The following PTPRO variants were observed in gnomAD, a reference collection of about 807,000 sequenced individuals.
PTPRO encodes the protein receptor-type tyrosine-protein phosphatase O.
A neutral mutation model predicts 145.2 loss-of-function variants in PTPRO; 62 were observed. The observed-to-expected ratio is 0.43, with a 90% CI of 0.35 to 0.53. PTPRO has a LOEUF of 0.53. Ranked by LOEUF, PTPRO falls within the 20% of genes least tolerant of loss-of-function variation. PTPRO has a pLI of 0.01. For missense variants in PTPRO, 1,345 were observed against 1,482.7 expected, an observed-to-expected ratio of 0.91 and a Z score of 1.53; for synonymous variants, 565 against 514.7, an observed-to-expected ratio of 1.10 and a Z score of -1.32.
rs955853223 is a variant in PTPRO, at chr12:15,515,615, A to G, written c.1582A>G (p.Ile528Val). The G allele has an allele frequency of 1.4e-5, 22 of 1,614,012 alleles. No homozygotes were observed. Among genetic ancestry groups the G allele is most frequent in the East Asian group, 2.2e-5 (1 of 44,852 alleles). ...ACCTTCAGATCCTGTGACATTTGCT[A>G]TTGGTAAGTTGCTAGCCACAAGAAG... ...GPPSDPVTFAIVPTGIKDLML... is the reference protein window; with the variant it reads ...GPPSDPVTFAVVPTGIKDLML... The change falls in exon 8 of 27, where the codon ATT becomes GTT. Residue 528 changes from isoleucine (I) to valine (V), a missense_variant. Around this residue, in one of 3 missense-constraint regions of PTPRO, gnomAD observed 1,130 missense variants for 1,214.7 expected, o/e 0.93. Transcript: ENST00000281171.
intron 1 of PTPRO, among the ~76,000 whole-genome samples, chr12:15,474,901 G>T (rs756194055): frequency 2.0e-5 from 3 of 152,144 alleles, no homozygotes; most frequent in African/African-American, 7.2e-5. Flanking sequence ...TCTTTTAGGC[G>T]CACTGCCTAG....
intron 1 of PTPRO, among the ~76,000 whole-genome samples, chr12:15,431,776 G>A (rs1292690284): frequency 6.6e-6 from 1 of 152,052 alleles, no homozygotes; most frequent in Admixed American, 6.6e-5. Context: ...ATTAAAGAAC[G>A]ATAGATTATG....
intron 1 of PTPRO, among the ~76,000 whole-genome samples, chr12:15,471,116 A>G (rs1307186268): frequency 6.6e-6 from 1 of 152,118 alleles, no homozygotes; most frequent in Non-Finnish European, 1.5e-5. Flanking sequence ...TCATTTTGAA[A>G]CCATAAAGAA....
intron 5 of PTPRO, among the ~76,000 whole-genome samples, chr12:15,502,556 C>A (rs905567933): frequency 9.9e-5 from 15 of 152,060 alleles, no homozygotes; most frequent in African/African-American, 3.6e-4. Flanking sequence ...TAGGGTGCGC[C>A]CCTCTAGAAA....
chr12:15,328,392 T>C (rs13313237), intron 1 of PTPRO, among the ~76,000 whole-genome samples: 33,407 of 152,146 alleles, frequency 0.22, 4,263 homozygotes, highest in Non-Finnish European at 0.3. Context: ...TTCTAGTTAC[T>C]TAAAGGCCAG....
At chr12:15,457,021 T>C (rs2136389470) in intron 1 of PTPRO, among the ~76,000 whole-genome samples, 1 of 152,332 alleles carries the variant, frequency 6.6e-6, no homozygotes, top group African/African-American at 2.4e-5. Context: ...ATGTATTCTT[T>C]TTCTGGTTCT....
intron 7 of PTPRO, among the ~76,000 whole-genome samples, chr12:15,510,303 C>T (rs946302409): frequency 6.6e-6 from 1 of 152,154 alleles, no homozygotes; most frequent in African/African-American, 2.4e-5. Context: ...ATATGCTAAA[C>T]CGATTAACTA....
At chr12:15,408,150 T>C (rs1183531014) in intron 1 of PTPRO, among the ~76,000 whole-genome samples, 2 of 152,124 alleles carry the variant, frequency 1.3e-5, no homozygotes, top group Non-Finnish European at 2.9e-5. Flanking sequence ...TGCTTCTCTG[T>C]GGGGGTGGGT....
intron 1 of PTPRO, chr12:15,337,557 A>G (rs1188949931): frequency 6.6e-6 from 1 of 152,218 alleles, no homozygotes; most frequent in East Asian, 1.9e-4. Context: ...CTCTGCTCTA[A>G]GATGAACTAA....
intron 1 of PTPRO, among the ~76,000 whole-genome samples, chr12:15,398,873 A>G (rs1473371803): frequency 6.6e-6 from 1 of 152,170 alleles, no homozygotes; most frequent in Non-Finnish European, 1.5e-5. Flanking sequence ...CAGTTTTCTT[A>G]GTACTTTTTC....
intron 12 of PTPRO, among the ~76,000 whole-genome samples, chr12:15,529,298 T>C (rs1256467011): frequency 6.6e-6 from 1 of 152,118 alleles, no homozygotes; most frequent in African/African-American, 2.4e-5. Flanking sequence ...TTAGGTGTGG[T>C]AGTTTTGCTT....
intron 1 of PTPRO, among the ~76,000 whole-genome samples, chr12:15,332,061 G>A (rs1866628641): frequency 6.7e-6 from 1 of 150,112 alleles, no homozygotes; most frequent in Non-Finnish European, 1.5e-5. Flanking sequence ...TGCCTTCCAG[G>A]TTCAAGCAAT....
chr12:15,544,427 C>T (rs1039520992), intron 12 of PTPRO, among the ~76,000 whole-genome samples: 3 of 145,172 alleles, frequency 2.1e-5, no homozygotes, highest in Non-Finnish European at 4.5e-5. Context: ...ATTTTTTGAA[C>T]CCGGGAGGCA....
intron 19 of PTPRO, among the ~76,000 whole-genome samples, chr12:15,574,366 T>C (rs1179512140): frequency 6.6e-6 from 1 of 152,222 alleles, no homozygotes; most frequent in Non-Finnish European, 1.5e-5. Flanking sequence ...AACCAGACTT[T>C]ATAGCTGAAA....
At chr12:15,386,682 T>C (rs1939039728) in intron 1 of PTPRO, among the ~76,000 whole-genome samples, 1 of 152,172 alleles carries the variant, frequency 6.6e-6, no homozygotes, top group Non-Finnish European at 1.5e-5. Context: ...AAAAATATTC[T>C]TTTGCTCTAA....
At chr12:15,544,809 T>C (rs893518308) in intron 12 of PTPRO, among the ~76,000 whole-genome samples, 4 of 152,182 alleles carry the variant, frequency 2.6e-5, no homozygotes, top group African/African-American at 9.7e-5. Context: ...GACCTCTGTG[T>C]TTCATTAGCA....
intron 12 of PTPRO, among the ~76,000 whole-genome samples, chr12:15,529,140 A>G (rs917088520): frequency 2.6e-5 from 4 of 152,216 alleles, no homozygotes; most frequent in Non-Finnish European, 4.4e-5. Flanking sequence ...TGTACAATCC[A>G]TCCATAACTC....
At chr12:15,547,969 C>T (rs1347069283) in intron 13 of PTPRO, among the ~76,000 whole-genome samples, 6 of 152,128 alleles carry the variant, frequency 3.9e-5, no homozygotes, top group Non-Finnish European at 1.5e-5. Context: ...AAGTTAGCAA[C>T]TTCTTTGACT....
chr12:15,581,205 AC>A (rs1944306471), intron 22 of PTPRO, among the ~76,000 whole-genome samples: 1 of 151,952 alleles, frequency 6.6e-6, no homozygotes. Flanking sequence ...GCTGTTAGAT[AC>A]CACTGGTTTC....
Sources: allele counts gnomAD v4.1 joint callset (sites outside exome capture counted in the v4.1 genomes callset), GRCh38; gene constraint gnomAD v4.1.1; regional missense constraint gnomAD v4.1.1; transcripts MANE v1.5; gene names NCBI Gene and HGNC (gene_info 2026-07-23, HGNC 2026-07-21).